ADARB2: variants seen among roughly 807,000 people sequenced by gnomAD.
ADARB2 encodes the protein adenosine deaminase RNA specific B2 (inactive).
A neutral mutation model predicts 62.2 loss-of-function variants in ADARB2; 25 were observed. That is an observed-to-expected ratio of 0.40 (90% confidence interval 0.29 to 0.56). The LOEUF (loss-of-function observed/expected upper bound fraction) is 0.56. Among genes scored for constraint, ADARB2 ranks in the 20% least tolerant of loss-of-function variants. The probability of loss-of-function intolerance (pLI) is 0.43; values close to 1 mark genes in which losing one functional copy is unlikely to be tolerated. For missense variants in ADARB2, 1,071 were observed against 1,077.4 expected (o/e 0.99, Z 0.08); for synonymous variants, 572 against 500.8 (o/e 1.14, Z -1.90).
rs532015768 is a variant in ADARB2, at chr10:1,189,509, G to A, written c.1865-4470C>T. On this transcript the variant is annotated intron_variant, in intron 8 of 9. Coordinates refer to ENST00000381312, the MANE Select transcript of ADARB2 (RefSeq NM_018702.4). ...AGGCCTAGAAATGAAAGCCTGGCTT[G>A]TGTTTAATTTTAACTCCTGTGGCTG... is the stretch of plus-strand genomic sequence containing the variant. Among the ~76,000 whole-genome samples, 48 of 152,222 alleles carry A rather than the reference G, an allele frequency of 3.2e-4. 2 individuals are homozygous for A. The highest frequency in any genetic ancestry group is 8.9e-4 in the African/African-American group (37 of 41,456).
chr10:1,373,519 A>ATGTGTGAC (rs774344397), intron 2 of ADARB2, among the ~76,000 whole-genome samples: 2 of 152,148 alleles, frequency 1.3e-5, no homozygotes, highest in South Asian at 4.1e-4. Context: ...GTAATTGTGC[A>ATGTGTGAC]TGTGTGACTG....
At chr10:1,602,602 T>C (rs1417455622) in intron 1 of ADARB2, among the ~76,000 whole-genome samples, 1 of 152,158 alleles carries the variant, frequency 6.6e-6, no homozygotes, top group Admixed American at 6.5e-5. Context: ...TGAACCTTGA[T>C]GGTGGCTGTG....
At chr10:1,559,298 G>A (rs530319548) in intron 1 of ADARB2, among the ~76,000 whole-genome samples, 1 of 152,220 alleles carries the variant, frequency 6.6e-6, no homozygotes, top group Non-Finnish European at 1.5e-5. Context: ...GATAAGGGCT[G>A]TGATCACTGG....
intron 1 of ADARB2, among the ~76,000 whole-genome samples, chr10:1,558,627 A>C (rs1337699027): frequency 2.8e-5 from 3 of 105,836 alleles, no homozygotes; most frequent in Admixed American, 2.0e-4. Context: ...TCTAAACTCG[A>C]ATCCCACCTC....
At chr10:1,316,460 G>A (rs1286169280) in intron 3 of ADARB2, among the ~76,000 whole-genome samples, 5 of 152,232 alleles carry the variant, frequency 3.3e-5, no homozygotes, top group African/African-American at 9.6e-5. Context: ...TGTCGGCCAC[G>A]GTGCATGCCC....
intron 3 of ADARB2, among the ~76,000 whole-genome samples, chr10:1,354,198 TTATTAA>T (rs1832172268): frequency 6.6e-6 from 1 of 152,192 alleles, no homozygotes; most frequent in South Asian, 2.1e-4. Flanking sequence ...TCTATTTTTC[TTATTAA>T]TATAAGAAGA....
At chr10:1,670,068 A>G (rs928734759) in intron 1 of ADARB2, among the ~76,000 whole-genome samples, 1 of 152,200 alleles carries the variant, frequency 6.6e-6, no homozygotes, top group Non-Finnish European at 1.5e-5. Flanking sequence ...TCAGGCCTTC[A>G]TGAAGCCTCC....
chr10:1,574,702 G>A (rs1225798551), intron 1 of ADARB2, among the ~76,000 whole-genome samples: 1 of 152,136 alleles, frequency 6.6e-6, no homozygotes, highest in Non-Finnish European at 1.5e-5. Context: ...TTGGAGTAGG[G>A]TCCACCCTAA....
intron 4 of ADARB2, among the ~76,000 whole-genome samples, chr10:1,254,493 C>G (rs1318890823): frequency 6.6e-6 from 1 of 152,238 alleles, no homozygotes; most frequent in Non-Finnish European, 1.5e-5. Context: ...CTGTTGAAAT[C>G]ACAGATGTGG....
chr10:1,630,249 C>G (rs76158364), intron 1 of ADARB2, among the ~76,000 whole-genome samples: 1 of 152,310 alleles, frequency 6.6e-6, no homozygotes, highest in East Asian at 1.9e-4. Context: ...TAGAGCTTGG[C>G]CCTCCCGACA....
chr10:1,731,891 CAAAATGGCAAT>C (rs1302240245), intron 1 of ADARB2, among the ~76,000 whole-genome samples: 1 of 152,086 alleles, frequency 6.6e-6, no homozygotes, highest in South Asian at 2.1e-4. Flanking sequence ...TATTCGGTTT[CAAAATGGCAAT>C]AAGCACTTAT....
chr10:1,380,954 T>C (rs927051389), intron 1 of ADARB2, among the ~76,000 whole-genome samples: 3 of 152,236 alleles, frequency 2.0e-5, no homozygotes, highest in South Asian at 4.1e-4. Flanking sequence ...CTCACAAAAA[T>C]GCACTAAACT....
At chr10:1,320,732 T>C (rs1353209436) in intron 3 of ADARB2, among the ~76,000 whole-genome samples, 1 of 152,214 alleles carries the variant, frequency 6.6e-6, no homozygotes, top group Non-Finnish European at 1.5e-5. Flanking sequence ...TAATGAGAGA[T>C]GATGTGGTGA....
At chr10:1,660,336 G>A (rs1485721549) in intron 1 of ADARB2, among the ~76,000 whole-genome samples, 1 of 152,246 alleles carries the variant, frequency 6.6e-6, no homozygotes, top group Non-Finnish European at 1.5e-5. Flanking sequence ...TTCACTCTGT[G>A]TCAGAAATTA....
chr10:1,498,758 A>G (rs574865360), intron 1 of ADARB2, among the ~76,000 whole-genome samples: 1 of 152,250 alleles, frequency 6.6e-6, no homozygotes, highest in Non-Finnish European at 1.5e-5. Context: ...AATGACCAAA[A>G]TCAAAAAATG....
chr10:1,290,496 A>T (rs1445485351), intron 3 of ADARB2: 1 of 152,278 alleles, frequency 6.6e-6, no homozygotes, highest in African/African-American at 2.4e-5. Flanking sequence ...AGGCTCAGGC[A>T]GTTGGTGGGA....
intron 3 of ADARB2, among the ~76,000 whole-genome samples, chr10:1,298,400 T>A (rs181131009): frequency 3.3e-5 from 5 of 152,164 alleles, no homozygotes; most frequent in Admixed American, 1.3e-4. Flanking sequence ...CGGGGGCACA[T>A]CCCAGGGCTG....
intron 1 of ADARB2, among the ~76,000 whole-genome samples, chr10:1,380,693 T>A (rs937516431): frequency 2.0e-5 from 3 of 152,142 alleles, no homozygotes; most frequent in African/African-American, 7.2e-5. Flanking sequence ...GAACAATAAA[T>A]AACTCAAATA....
intron 1 of ADARB2, among the ~76,000 whole-genome samples, chr10:1,496,554 A>G (rs1333717458): frequency 6.6e-6 from 1 of 152,048 alleles, no homozygotes; most frequent in Non-Finnish European, 1.5e-5. Flanking sequence ...TCATCATCAT[A>G]GTCATCATCA....
Sources: allele counts gnomAD v4.1 joint callset (sites outside exome capture counted in the v4.1 genomes callset), GRCh38; gene constraint gnomAD v4.1.1; transcripts MANE v1.5; gene names NCBI Gene and HGNC (gene_info 2026-07-23, HGNC 2026-07-21).